Variants in FAM204A observed in about 807,000 individuals in gnomAD.
The protein encoded by FAM204A is family with sequence similarity 204 member A, also known as protein FAM204A.
Under a neutral mutation model 35.4 loss-of-function variants are expected in FAM204A, and 16 were observed. The observed-to-expected ratio is 0.45, with a 90% CI of 0.31 to 0.69. The LOEUF (loss-of-function observed/expected upper bound fraction) is 0.69. FAM204A is among the 30% of genes least tolerant of loss of function. The probability of loss-of-function intolerance (pLI) is 0.07; values close to 1 mark genes in which losing one functional copy is unlikely to be tolerated. For missense variants in FAM204A, 240 were observed against 265.7 expected (o/e 0.90, Z 0.67); for synonymous variants, 76 against 86.9 (o/e 0.88, Z 0.70).
At chr10:118,336,462 C>A (rs544467327) in intron 2 of FAM204A, 39 bp from the exon 3 acceptor site, 3 of 1,520,246 alleles carry the variant, frequency 2.0e-6, no homozygotes, top group East Asian at 2.3e-5. Flanking sequence ...GTAGAATAAC[C>A]ATAGAAATAA....
chr10:118,336,659 G>T (rs560574245), intron 2 of FAM204A, among the ~76,000 whole-genome samples: 1 of 151,900 alleles, frequency 6.6e-6, no homozygotes, highest in South Asian at 2.1e-4. Flanking sequence ...AAACAAGTTT[G>T]TTACAACATA....
At chr10:118,335,959 T>C in intron 3 of FAM204A, 1 of 566,070 alleles carries the variant, frequency 1.8e-6, no homozygotes. Context: ...ACATAGTGGT[T>C]TGGGTTTTTT....
At position 118,305,473 on chromosome 10, in the gene FAM204A, C is replaced by A. The variant is rs1845853020; in HGVS notation, c.*5384G>T. The A allele has an allele frequency of 6.6e-6, 1 of 152,208 alleles. No individual in the cohort carries two copies. Among genetic ancestry groups the A allele is most frequent in the African/African-American group, 2.4e-5 (1 of 41,448 alleles). The allele number at this position is 152,208 out of a possible 1,614,324, so 9.4% of individuals were successfully genotyped here. A position where few individuals can be genotyped will look rare whatever the true frequency, so the allele number is the denominator to read the frequency against. On this transcript the variant is annotated 3_prime_UTR_variant, in exon 9 of 9. Coordinates refer to ENST00000369183, the MANE Select transcript of FAM204A (RefSeq NM_022063.3). ...GAGACAGTCAGGGCATCAATCCCAC[C>A]CACTCTGATGTGAGCAAGTATGGAT...
chr10:118,335,682 C>T, intron 3 of FAM204A, 41 bp from the exon 4 acceptor site: 1 of 1,409,848 alleles, frequency 7.1e-7, no homozygotes, highest in East Asian at 2.3e-5. Context: ...AATATACTTT[C>T]CAGAAAAACA....
At position 118,336,110 on chromosome 10, in the gene FAM204A, A is replaced by T; in HGVS notation, c.234+72T>A. On this transcript the variant is annotated intron_variant, in intron 3 of 8. Transcript: ENST00000369183. The stretch of plus-strand genomic sequence containing the variant: ...GTCCCAAGAATACATGCACATTCTG[A>T]CCAGGGCAGAGACACACAGAGGCAT... 2.0e-6 allele frequency: 3 copies of T among 1,536,520 alleles called. No homozygotes were observed. In the South Asian group the frequency reaches 3.8e-5, roughly 19 times the overall value.
At chr10:118,320,150 G>C (rs913827179) in intron 7 of FAM204A, among the ~76,000 whole-genome samples, 3 of 151,282 alleles carry the variant, frequency 2.0e-5, no homozygotes, top group Non-Finnish European at 4.4e-5. Flanking sequence ...TTTTATGTGA[G>C]GTTCAATCTA....
chr10:118,340,790 C>G (rs75808283), intron 2 of FAM204A, among the ~76,000 whole-genome samples: 3,485 of 152,270 alleles, frequency 0.023, 145 homozygotes, highest in African/African-American at 0.08. Context: ...AACAACCCTT[C>G]CACTAGGAAT....
At chr10:118,322,192 G>C in intron 7 of FAM204A, 1 of 248,460 alleles carries the variant, frequency 4.0e-6, no homozygotes, top group South Asian at 4.3e-5. Flanking sequence ...GGGAAAACAT[G>C]AGAAAGAGAA....
intron 6 of FAM204A, among the ~76,000 whole-genome samples, chr10:118,327,244 G>C (rs1846211478): frequency 6.6e-6 from 1 of 152,096 alleles, no homozygotes; most frequent in African/African-American, 2.4e-5. Flanking sequence ...TCTATTGTTT[G>C]AACATGCCAA....
chr10:118,322,975 G>A (rs1358445397), intron 7 of FAM204A, among the ~76,000 whole-genome samples: 1 of 152,080 alleles, frequency 6.6e-6, no homozygotes, highest in African/African-American at 2.4e-5. Flanking sequence ...AGTTGTGCAC[G>A]GATCACATGG....
intron 7 of FAM204A, among the ~76,000 whole-genome samples, chr10:118,318,210 A>G (rs1846060069): frequency 6.6e-6 from 1 of 152,076 alleles, no homozygotes; most frequent in African/African-American, 2.4e-5. Context: ...CAAACAAAAG[A>G]AAAAGTAAGG....
At position 118,307,275 on chromosome 10, in the gene FAM204A, T is replaced by G. The variant is rs1845878164; in HGVS notation, c.*3582A>C. On this transcript the variant is annotated 3_prime_UTR_variant, in exon 9 of 9. Coordinates refer to ENST00000369183, the MANE Select transcript of FAM204A (RefSeq NM_022063.3). ...CTACATTTGGTTCTGGAAAAAGATT[T>G]TCATGTACATATTTTGTCCAAATAT... 1 of 152,206 alleles carries G rather than the reference T, an allele frequency of 6.6e-6. No individual in the cohort carries two copies. Among genetic ancestry groups the G allele is most frequent in the South Asian group, 2.1e-4 (1 of 4,830 alleles). The allele number at this position is 152,206 out of a possible 1,614,324, so 9.4% of individuals were successfully genotyped here. A position where few individuals can be genotyped will look rare whatever the true frequency, so the allele number is the denominator to read the frequency against.
intron 6 of FAM204A, among the ~76,000 whole-genome samples, chr10:118,333,164 CA>C (rs999232126): frequency 8.6e-5 from 13 of 151,136 alleles, no homozygotes; most frequent in Non-Finnish European, 1.6e-4. Context: ...GGCAGTGTTC[CA>C]AAAAAGAAAA....
chr10:118,334,567 T>C (rs1564763409), intron 6 of FAM204A, among the ~76,000 whole-genome samples: 1 of 152,228 alleles, frequency 6.6e-6, no homozygotes, highest in African/African-American at 2.4e-5. Context: ...ACATAGGTCA[T>C]GTCATTCCCT....
At position 118,299,544 on chromosome 10, in the gene FAM204A, T is replaced by G. The variant is rs1287580399; in HGVS notation, c.*11313A>C. The G allele has an allele frequency of 6.6e-6, 1 of 151,880 alleles. No individual in the cohort carries two copies. Among genetic ancestry groups the G allele is most frequent in the African/African-American group, 2.4e-5 (1 of 41,382 alleles). 9.4% of individuals were successfully genotyped at this position (151,880 alleles called of 1,614,324 possible). The stretch of plus-strand genomic sequence containing the variant: ...GACTACAGGGGTGTACCACCACATA[T>G]GGCTAATTTTTTATTTTTTGTAGTG... On this transcript the variant is annotated 3_prime_UTR_variant, in exon 9 of 9. Coordinates refer to ENST00000369183, the MANE Select transcript of FAM204A (RefSeq NM_022063.3).
rs1037133313 is a variant in FAM204A, at chr10:118,316,698, T to C, written c.544-5385A>G. Reference sequence around the variant, plus strand: ...GTTTTTAAAACACATCAAATAGATATATATACAAATATCTTTTATATGTGT... The same window carrying C: ...GTTTTTAAAACACATCAAATAGATACATATACAAATATCTTTTATATGTGT... On this transcript the variant is annotated intron_variant, in intron 7 of 8. Coordinates refer to ENST00000369183, the MANE Select transcript of FAM204A (RefSeq NM_022063.3). Among the ~76,000 whole-genome samples the C allele has an allele frequency of 3.3e-5, 5 of 152,256 alleles. No individual in the cohort carries two copies. In the South Asian group the frequency reaches 8.3e-4, roughly 25 times the overall value.
chr10:118,306,178 C>G lies in FAM204A; in HGVS notation c.*4679G>C, dbSNP rs911763757. On this transcript the variant is annotated 3_prime_UTR_variant, in exon 9 of 9. Transcript: ENST00000369183. ...GGATTACCTCATTCCATACCTGTCA[C>G]ATAGCAGGCCCCCTGCAGCTATTCA... The G allele has an allele frequency of 1.3e-5, 2 of 152,292 alleles. No individual in the cohort carries two copies. Among genetic ancestry groups the G allele is most frequent in the Admixed American group, 6.5e-5 (1 of 15,290 alleles). 9.4% of individuals were successfully genotyped at this position (152,292 alleles called of 1,614,324 possible).
chr10:118,333,270 G>A (rs1846321085), intron 6 of FAM204A, among the ~76,000 whole-genome samples: 1 of 152,122 alleles, frequency 6.6e-6, no homozygotes, highest in Non-Finnish European at 1.5e-5. Flanking sequence ...AAATAAAAAG[G>A]TTCTCTCAGA....
At chr10:118,326,659 A>C (rs1316799878) in intron 6 of FAM204A, among the ~76,000 whole-genome samples, 1 of 152,202 alleles carries the variant, frequency 6.6e-6, no homozygotes, top group East Asian at 1.9e-4. Context: ...AAAGATGAGG[A>C]AACAGAGCCC....
Sources: gnomAD v4.1 joint callset for allele counts (sites outside exome capture counted in the v4.1 genomes callset) on GRCh38, gnomAD v4.1.1 for gene constraint, MANE v1.5 for transcripts, NCBI Gene and HGNC (gene_info 2026-07-23, HGNC 2026-07-21) for gene names.